Variants in USP48 observed in about 807,000 individuals in gnomAD.
USP48 encodes the protein ubiquitin specific peptidase 48, also known as ubiquitin carboxyl-terminal hydrolase 48.
A neutral mutation model predicts 150.7 loss-of-function variants in USP48; 43 were observed. That is an observed-to-expected ratio of 0.29 (90% confidence interval 0.22 to 0.37). The LOEUF is 0.37. Ranked by LOEUF, USP48 falls within the 10% of genes least tolerant of loss-of-function variation. The pLI, the probability that USP48 is intolerant of heterozygous loss-of-function variation, is 1.00. For missense variants in USP48, 813 were observed against 1,249.6 expected (o/e 0.65, Z 5.27); for synonymous variants, 396 against 425.9 (o/e 0.93, Z 0.86).
intron 3 of USP48, among the ~76,000 whole-genome samples, chr1:21,755,938 G>C (rs2152600625): frequency 1.3e-5 from 2 of 152,238 alleles, no homozygotes; most frequent in African/African-American, 4.8e-5. Context: ...AGCCGAGGCG[G>C]GTGGATCACC....
intron 8 of USP48, among the ~76,000 whole-genome samples, chr1:21,736,981 T>C (rs2097770175): frequency 1.3e-5 from 2 of 152,212 alleles, no homozygotes; most frequent in Non-Finnish European, 2.9e-5. Context: ...GTTCATACTC[T>C]CTGTGTGTTA....
intron 22 of USP48, among the ~76,000 whole-genome samples, chr1:21,699,360 G>A (rs1454133010): frequency 2.7e-5 from 4 of 150,266 alleles, no homozygotes; most frequent in Non-Finnish European, 5.9e-5. Flanking sequence ...CACCACGCCC[G>A]GCTAATTTTT....
At position 21,728,667 on chromosome 1, in the gene USP48, ACAC is replaced by A. The variant is rs1384811945; in HGVS notation, c.1350_1352del (p.Trp450del). On this transcript the variant is annotated inframe_deletion, in exon 11 of 27. Coordinates refer to ENST00000308271, the MANE Select transcript of USP48 (RefSeq NM_032236.8). Reference sequence around the variant, plus strand: ...GCTTACGCATCTCAGCCATTTCAATACACCACTCCTCAAATTTGGAATTATCCC... The same window carrying A: ...GCTTACGCATCTCAGCCATTTCAATACACTCCTCAAATTTGGAATTATCCC... 6.2e-7 allele frequency: 1 copy of A among 1,614,196 alleles called. No homozygotes were observed. The highest frequency in any genetic ancestry group is 8.5e-7 in the Non-Finnish European group (1 of 1,180,040).
intron 19 of USP48, 89 bp downstream of exon 19, chr1:21,705,638 T>C (rs2097670118): frequency 2.1e-6 from 2 of 974,954 alleles, no homozygotes; most frequent in Non-Finnish European, 3.0e-6. Flanking sequence ...AAACAGACTA[T>C]GTCAGATGAG....
intron 7 of USP48, among the ~76,000 whole-genome samples, chr1:21,747,609 G>C (rs979360488): frequency 1.3e-5 from 2 of 151,132 alleles, no homozygotes; most frequent in Non-Finnish European, 2.9e-5. Context: ...TTTCACTCTT[G>C]TTGCCCAGGC....
At chr1:21,765,901 CAAAAAAAAAAAAAAAAAAAA>C (rs199539331) in intron 1 of USP48, among the ~76,000 whole-genome samples, 37 of 112,154 alleles carry the variant, frequency 3.3e-4, no homozygotes, top group African/African-American at 1.4e-3. Context: ...ACTCCATCTC[CAAAAAAAAAAAAAAAAAAAA>C]AAAAAAAAAA....
At chr1:21,727,370 T>C (rs936605566) in intron 11 of USP48, among the ~76,000 whole-genome samples, 33 of 152,204 alleles carry the variant, frequency 2.2e-4, no homozygotes, top group East Asian at 1.9e-4. Flanking sequence ...AACATAAGCA[T>C]ATTCTAAGAA....
chr1:21,740,316 T>G, intron 8 of USP48, among the ~76,000 whole-genome samples: 1 of 152,266 alleles, frequency 6.6e-6, no homozygotes, highest in East Asian at 1.9e-4. Flanking sequence ...TAAGCCTGAA[T>G]AGTATTCCAT....
At chr1:21,690,174 G>T in intron 23 of USP48, 75 bp from the exon 24 acceptor site, 4 of 1,313,042 alleles carry the variant, frequency 3.0e-6, no homozygotes, top group South Asian at 1.9e-5. Context: ...AATAAATTAT[G>T]CATGGATTCT....
intron 3 of USP48, 38 bp downstream of exon 3, chr1:21,756,508 T>G: frequency 6.5e-7 from 1 of 1,546,338 alleles, no homozygotes; most frequent in South Asian, 1.2e-5. Context: ...TAAAAAAATG[T>G]TCAGGAAGAG....
At chr1:21,757,076 CT>C (rs1449135568) in intron 2 of USP48, 31 of 880,820 alleles carry the variant, frequency 3.5e-5, no homozygotes, top group Non-Finnish European at 3.9e-5. Flanking sequence ...CAAAGTAAAA[CT>C]TATGCAGAAA....
intron 6 of USP48, among the ~76,000 whole-genome samples, chr1:21,750,009 G>A (rs1340813552): frequency 2.6e-5 from 4 of 152,032 alleles, no homozygotes; most frequent in Admixed American, 2.6e-4. Context: ...ACTCCCATCT[G>A]CCCTCAATCC....
At chr1:21,727,941 A>G in intron 11 of USP48, 1 of 985,240 alleles carries the variant, frequency 1.0e-6, no homozygotes, top group Non-Finnish European at 1.2e-6. Context: ...TGTCTTTAAA[A>G]TGACAAAGAT....
At position 21,783,017 on chromosome 1, in the gene USP48, A is replaced by G. The variant is rs2097918502; in HGVS notation, c.-60T>C. The stretch of plus-strand genomic sequence containing the variant: ...CGCCGCAGCCGCCGCCGCGGTCTGC[A>G]CCGCCGCCCCAATGGGCTTCGCCAC... On this transcript the variant is annotated 5_prime_UTR_variant, in exon 1 of 27. Coordinates refer to ENST00000308271, the MANE Select transcript of USP48 (RefSeq NM_032236.8). 3 of 1,445,762 alleles carry G rather than the reference A, an allele frequency of 2.1e-6. No individual in the cohort carries two copies. Among genetic ancestry groups the G allele is most frequent in the African/African-American group, 1.5e-5 (1 of 66,962 alleles). The allele number at this position is 1,445,762 out of a possible 1,614,324, so 89.6% of individuals were successfully genotyped here. A position where few individuals can be genotyped will look rare whatever the true frequency, so the allele number is the denominator to read the frequency against.
At chr1:21,694,289 A>AAAT (rs2097614497) in intron 23 of USP48, among the ~76,000 whole-genome samples, 1 of 152,056 alleles carries the variant, frequency 6.6e-6, no homozygotes, top group Admixed American at 6.6e-5. Flanking sequence ...AAACTCTATC[A>AAAT]AGGCCGGGCG....
At chr1:21,724,174 G>A in intron 11 of USP48, 79 bp from the exon 12 acceptor site, 6 of 1,390,468 alleles carry the variant, frequency 4.3e-6, no homozygotes, top group Non-Finnish European at 6.0e-6. Context: ...TTTCTCAAAA[G>A]ACAATGCAAA....
intron 15 of USP48, 21 bp from the exon 16 acceptor site, chr1:21,706,889 T>G: frequency 6.4e-7 from 1 of 1,570,110 alleles, no homozygotes; most frequent in Non-Finnish European, 8.6e-7. Flanking sequence ...AAAAATATAT[T>G]TGGAAAAAAA....
chr1:21,769,420 ATT>A (rs1045099672), intron 1 of USP48, among the ~76,000 whole-genome samples: 1 of 145,686 alleles, frequency 6.9e-6, no homozygotes, highest in Admixed American at 6.9e-5. Flanking sequence ...AGCAGAAACA[ATT>A]TTTTTTTTTT....
chr1:21,740,645 TGTCACATCACAA>T (rs746311084), intron 8 of USP48, among the ~76,000 whole-genome samples: 1 of 147,770 alleles, frequency 6.8e-6, no homozygotes, highest in Non-Finnish European at 1.5e-5. Flanking sequence ...AACACACACA[TGTCACATCACAA>T]GTCACTCTAA....
Sources: allele counts gnomAD v4.1 joint callset (sites outside exome capture counted in the v4.1 genomes callset), GRCh38; gene constraint gnomAD v4.1.1; transcripts MANE v1.5; gene names NCBI Gene and HGNC (gene_info 2026-07-23, HGNC 2026-07-21).